The following CPNE8 variants were observed in gnomAD, a reference collection of about 807,000 sequenced individuals.
CPNE8 encodes the protein copine-8.
CPNE8 carries 45 observed loss-of-function variants against 81.5 expected under a neutral mutation model. That is an observed-to-expected ratio of 0.55 (90% confidence interval 0.44 to 0.71). The LOEUF is 0.71. CPNE8 is among the 30% of genes least tolerant of loss of function. The probability of loss-of-function intolerance (pLI) is 0.00; values close to 1 mark genes in which losing one functional copy is unlikely to be tolerated. For synonymous variants in CPNE8, 252 were observed against 226.3 expected, an observed-to-expected ratio of 1.11 and a Z score of -1.02; for missense variants, 594 against 672.1, an observed-to-expected ratio of 0.88 and a Z score of 1.28.
In CPNE8 at chr12:38,813,369, G is replaced by A. The variant is rs185668900; in HGVS notation, c.407+16010C>T. Among the ~76,000 whole-genome samples, 108 of 152,250 alleles carry A rather than the reference G, an allele frequency of 7.1e-4. 2 individuals carry two copies. The East Asian group carries it at 0.017, about 23-fold the overall frequency. ...CCCAGAAAAGATGGTCATTAATTGG[G>A]AAAAGAATGATAGAGGGGAAAAAAG... On this transcript the variant is annotated intron_variant, in intron 6 of 19. Transcript: ENST00000331366.
chr12:38,672,592 T>C (rs193246399), intron 18 of CPNE8, among the ~76,000 whole-genome samples: 89 of 152,304 alleles, frequency 5.8e-4, no homozygotes, highest in African/African-American at 2.1e-3. Context: ...TAGAAACCCT[T>C]TTATTTATCC....
intron 14 of CPNE8, among the ~76,000 whole-genome samples, chr12:38,694,078 C>A (rs1939740384): frequency 6.6e-6 from 1 of 151,904 alleles, no homozygotes; most frequent in African/African-American, 2.4e-5. Context: ...AGAAATGATT[C>A]TTATTTTCAA....
intron 14 of CPNE8, among the ~76,000 whole-genome samples, chr12:38,701,837 G>A (rs777950854): frequency 6.6e-6 from 1 of 152,064 alleles, no homozygotes; most frequent in South Asian, 2.1e-4. Context: ...AATAAAACAC[G>A]AGTAAAAATA....
chr12:38,661,577 AC>A (rs2136635247), intron 19 of CPNE8, among the ~76,000 whole-genome samples: 2 of 152,044 alleles, frequency 1.3e-5, no homozygotes, highest in East Asian at 3.9e-4. Flanking sequence ...TGCACGTTGT[AC>A]CCTAGAACTT....
At chr12:38,800,940 GA>G (rs1415597718) in intron 6 of CPNE8, among the ~76,000 whole-genome samples, 8 of 141,408 alleles carry the variant, frequency 5.7e-5, no homozygotes, top group African/African-American at 2.1e-4. Context: ...AATGAAGCAA[GA>G]AGGGAAGTTT....
At chr12:38,664,520 T>C (rs1364985918) in intron 19 of CPNE8, among the ~76,000 whole-genome samples, 1 of 152,130 alleles carries the variant, frequency 6.6e-6, no homozygotes, top group African/African-American at 2.4e-5. Flanking sequence ...TCTTTCAAAT[T>C]TGAGTACAGT....
chr12:38,797,299 C>G lies in CPNE8; in HGVS notation c.408-20998G>C, dbSNP rs545011654. 3.1e-3 allele frequency among the ~76,000 whole-genome samples: 478 copies of G among 152,268 alleles called. 4 individuals carry two copies. The highest frequency in any genetic ancestry group is 0.027 in the Middle Eastern group (8 of 294). On this transcript the variant is annotated intron_variant, in intron 6 of 19. Transcript: ENST00000331366. The stretch of plus-strand genomic sequence containing the variant: ...AGCAGCCTAACTGGGAGGCACCCCC[C>G]AGTAGGGGCAGACTGACACCTCACA...
Position 38,753,955 on chromosome 12 carries a change from A to G in CPNE8, c.722+6892T>C, listed in dbSNP as rs549971164. Among the ~76,000 whole-genome samples, 5 of 152,310 alleles carry G rather than the reference A, an allele frequency of 3.3e-5. No homozygotes were observed. The East Asian group carries it at 9.6e-4, about 29-fold the overall frequency. ...GGTCTTGGAACATATTCCCCCAGAG[A>G]TAAGAGACGATTACTGTGATATGAA... is the stretch of plus-strand genomic sequence containing the variant. On this transcript the variant is annotated intron_variant, in intron 10 of 19. Transcript: ENST00000331366.
At chr12:38,717,496 A>G (rs1244366634) in intron 13 of CPNE8, among the ~76,000 whole-genome samples, 1 of 142,312 alleles carries the variant, frequency 7.0e-6, no homozygotes, top group African/African-American at 2.6e-5. Flanking sequence ...AAAGGAACAA[A>G]ATAATGTCTT....
At chr12:38,705,640 T>C (rs934343801) in intron 13 of CPNE8, among the ~76,000 whole-genome samples, 5 of 152,018 alleles carry the variant, frequency 3.3e-5, no homozygotes, top group Non-Finnish European at 5.9e-5. Flanking sequence ...CTTTGAGGGA[T>C]TGAAAAGAAC....
At chr12:38,902,315 G>GGAAGGAAGGAAA (rs1336712315) in intron 1 of CPNE8, among the ~76,000 whole-genome samples, 72 of 83,814 alleles carry the variant, frequency 8.6e-4, no homozygotes, top group East Asian at 1.4e-3. Context: ...AAGGAAGGAA[G>GGAAGGAAGGAAA]GAAAGAAAGA....
chr12:38,825,833 G>A (rs573244071), intron 6 of CPNE8, among the ~76,000 whole-genome samples: 3 of 152,286 alleles, frequency 2.0e-5, no homozygotes, highest in South Asian at 2.1e-4. Context: ...GTGATAGCAC[G>A]TCACTAGGTG....
intron 10 of CPNE8, among the ~76,000 whole-genome samples, chr12:38,759,103 A>G (rs1941523973): frequency 6.6e-6 from 1 of 152,242 alleles, no homozygotes; most frequent in Non-Finnish European, 1.5e-5. Context: ...GATTAGAGAC[A>G]AGTTCTATTT....
intron 3 of CPNE8, among the ~76,000 whole-genome samples, chr12:38,870,655 TA>T (rs1361592439): frequency 6.6e-6 from 1 of 151,896 alleles, no homozygotes; most frequent in Non-Finnish European, 1.5e-5. Context: ...GGTGGGGGGC[TA>T]GGGGAGAAAT....
intron 1 of CPNE8, among the ~76,000 whole-genome samples, chr12:38,875,980 C>A (rs530553429): frequency 4.9e-4 from 74 of 152,274 alleles, no homozygotes; most frequent in African/African-American, 1.6e-3. Flanking sequence ...GTGACTCAAG[C>A]TTTTGCTCAT....
At chr12:38,815,264 T>A (rs140386232) in intron 6 of CPNE8, among the ~76,000 whole-genome samples, 4 of 152,204 alleles carry the variant, frequency 2.6e-5, no homozygotes, top group Non-Finnish European at 5.9e-5. Context: ...CCAAATATTA[T>A]GAATAACTTT....
At chr12:38,867,335 TGTGTGAGA>T (rs1309837586) in intron 3 of CPNE8, among the ~76,000 whole-genome samples, 45 of 143,170 alleles carry the variant, frequency 3.1e-4, no homozygotes, top group Admixed American at 1.2e-3. Context: ...TGTGTGTGTG[TGTGTGAGA>T]GAGAGAGAGA....
intron 13 of CPNE8, among the ~76,000 whole-genome samples, chr12:38,721,876 T>C (rs1940574053): frequency 6.6e-6 from 1 of 152,216 alleles, no homozygotes; most frequent in East Asian, 1.9e-4. Context: ...CTGGTACCTA[T>C]GCCAGCACCC....
chr12:38,876,101 G>C (rs913954506), intron 1 of CPNE8, among the ~76,000 whole-genome samples: 2 of 152,054 alleles, frequency 1.3e-5, no homozygotes. Context: ...TGCTATGTAC[G>C]TATTTAACAG....
Sources: gnomAD v4.1 joint callset for allele counts (sites outside exome capture counted in the v4.1 genomes callset) on GRCh38, gnomAD v4.1.1 for gene constraint, MANE v1.5 for transcripts, NCBI Gene and HGNC (gene_info 2026-07-23, HGNC 2026-07-21) for gene names.